Variants in CTNNA2 observed in about 807,000 individuals in gnomAD.
The protein encoded by CTNNA2 is catenin alpha 2, also known as catenin alpha-2.
Under a neutral mutation model 101.0 loss-of-function variants are expected in CTNNA2, and 42 were observed. The ratio of observed to expected loss-of-function variants is 0.42; its 90% CI spans 0.32 to 0.54. The LOEUF is 0.54. CTNNA2 is among the 20% of genes least tolerant of loss of function. CTNNA2 has a pLI of 0.14. For synonymous variants in CTNNA2, 450 were observed against 456.4 expected (o/e 0.99, Z 0.18); for missense variants, 871 against 1,223.1 (o/e 0.71, Z 4.29).
chr2:79,835,695 T>G (rs1679305728), intron 3 of CTNNA2, among the ~76,000 whole-genome samples: 7 of 91,876 alleles, frequency 7.6e-5, no homozygotes, highest in African/African-American at 3.0e-4. Context: ...TTTTTTTTTT[T>G]TTTTTTTTGA....
intron 18 of CTNNA2, among the ~76,000 whole-genome samples, chr2:80,628,697 G>C (rs1313160618): frequency 6.6e-6 from 1 of 151,990 alleles, no homozygotes; most frequent in African/African-American, 2.4e-5. Context: ...AATTAAGATA[G>C]GTAACTCCTG....
At chr2:80,378,402 A>C (rs573521944) in intron 7 of CTNNA2, among the ~76,000 whole-genome samples, 12 of 141,076 alleles carry the variant, frequency 8.5e-5, no homozygotes, top group African/African-American at 3.0e-4. Flanking sequence ...AAATAAATAA[A>C]TAAATAACAG....
chr2:80,034,213 A>G (rs1445210773), intron 7 of CTNNA2, among the ~76,000 whole-genome samples: 2 of 151,996 alleles, frequency 1.3e-5, no homozygotes, highest in Middle Eastern at 3.2e-3. Flanking sequence ...AAACATCCCT[A>G]TAAAAAGAGA....
At chr2:80,082,457 CAA>C (rs1699209430) in intron 7 of CTNNA2, among the ~76,000 whole-genome samples, 1 of 151,936 alleles carries the variant, frequency 6.6e-6, no homozygotes, top group South Asian at 2.1e-4. Context: ...GAAGAAAATT[CAA>C]AAGTTTTGCC....
At chr2:80,519,345 AAAG>A in intron 9 of CTNNA2, among the ~76,000 whole-genome samples, 1 of 152,194 alleles carries the variant, frequency 6.6e-6, no homozygotes, top group East Asian at 1.9e-4. Flanking sequence ...CCAGACCGAA[AAAG>A]TGACAAGATC....
chr2:80,645,684 T>C (rs1363840176), intron 18 of CTNNA2, among the ~76,000 whole-genome samples: 1 of 150,846 alleles, frequency 6.6e-6, no homozygotes, highest in Non-Finnish European at 1.5e-5. Flanking sequence ...ACCCCACTAA[T>C]TCATGCTTGG....
At chr2:79,833,783 T>C (rs1679102492) in intron 3 of CTNNA2, among the ~76,000 whole-genome samples, 1 of 152,214 alleles carries the variant, frequency 6.6e-6, no homozygotes, top group African/African-American at 2.4e-5. Context: ...AAGAATCCTT[T>C]GGTTTCATTT....
chr2:80,191,730 G>A (rs1245957108), intron 7 of CTNNA2, among the ~76,000 whole-genome samples: 2 of 152,174 alleles, frequency 1.3e-5, no homozygotes, highest in Admixed American at 1.3e-4. Context: ...TCTCTGTAGG[G>A]AAGAGTGAGT....
intron 7 of CTNNA2, among the ~76,000 whole-genome samples, chr2:80,265,245 A>C (rs944450176): frequency 1.3e-5 from 2 of 152,102 alleles, no homozygotes; most frequent in African/African-American, 4.8e-5. Flanking sequence ...AAAATGTTGG[A>C]ATTACAGGCG....
chr2:79,336,683 G>A (rs1035820423), intron 3 of CTNNA2, among the ~76,000 whole-genome samples: 9 of 151,656 alleles, frequency 5.9e-5, no homozygotes, highest in African/African-American at 1.9e-4. Flanking sequence ...CCAATTGTGT[G>A]GATCCTGGTA....
At chr2:79,213,259 G>A (rs1425862945) in intron 2 of CTNNA2, among the ~76,000 whole-genome samples, 1 of 152,104 alleles carries the variant, frequency 6.6e-6, no homozygotes, top group Admixed American at 6.5e-5. Flanking sequence ...GCCCTTCGAC[G>A]GCCTTTGCAG....
chr2:79,540,068 G>C (rs1673313196), intron 1 of CTNNA2, among the ~76,000 whole-genome samples: 1 of 152,120 alleles, frequency 6.6e-6, no homozygotes, highest in South Asian at 2.1e-4. Context: ...CAGGAACTCT[G>C]TTGCTTTTGT....
intron 7 of CTNNA2, among the ~76,000 whole-genome samples, chr2:80,093,318 T>C (rs1699911100): frequency 6.6e-6 from 1 of 152,170 alleles, no homozygotes; most frequent in Non-Finnish European, 1.5e-5. Context: ...TCCATGTCCC[T>C]ACAAAGGACA....
intron 9 of CTNNA2, among the ~76,000 whole-genome samples, chr2:80,481,752 T>C (rs551269127): frequency 2.0e-5 from 3 of 152,276 alleles, no homozygotes; most frequent in African/African-American, 7.2e-5. Context: ...TTGCAGCCTC[T>C]ATGGATCACG....
At chr2:80,041,725 G>A (rs1445490424) in intron 7 of CTNNA2, among the ~76,000 whole-genome samples, 2 of 152,062 alleles carry the variant, frequency 1.3e-5, no homozygotes, top group African/African-American at 2.4e-5. Flanking sequence ...AGGGTAAAAC[G>A]CTATACTCAA....
At chr2:80,418,026 A>T (rs1680189617) in intron 8 of CTNNA2, among the ~76,000 whole-genome samples, 1 of 151,752 alleles carries the variant, frequency 6.6e-6, no homozygotes, top group South Asian at 2.1e-4. Flanking sequence ...CTTTATCTCA[A>T]CCTTCTCTTC....
intron 3 of CTNNA2, among the ~76,000 whole-genome samples, chr2:79,814,568 C>G (rs1677317147): frequency 6.6e-6 from 1 of 151,330 alleles, no homozygotes; most frequent in Non-Finnish European, 1.5e-5. Flanking sequence ...TAATTCATTC[C>G]TTTTCATGGC....
chr2:80,098,444 C>T (rs1236026091), intron 7 of CTNNA2, among the ~76,000 whole-genome samples: 2 of 152,208 alleles, frequency 1.3e-5, no homozygotes, highest in Non-Finnish European at 2.9e-5. Flanking sequence ...AGTTAGGCTA[C>T]TCGGGGATCA....
intron 13 of CTNNA2, 105 bp from the exon 14 acceptor site, chr2:80,581,601 A>G (rs1695550220): frequency 2.8e-6 from 2 of 717,120 alleles, no homozygotes; most frequent in Admixed American, 4.1e-5. Flanking sequence ...GTAGGATGCT[A>G]TAAGCTCTGT....
Sources: gnomAD v4.1 joint callset for allele counts (sites outside exome capture counted in the v4.1 genomes callset) on GRCh38, gnomAD v4.1.1 for gene constraint, MANE v1.5 for transcripts, NCBI Gene and HGNC (gene_info 2026-07-23, HGNC 2026-07-21) for gene names.